FAM153A: variants seen among roughly 807,000 people sequenced by gnomAD.
FAM153A encodes family with sequence similarity 153 member A, also known as protein FAM153A.
In FAM153A, 12 loss-of-function variants were observed where a neutral mutation model predicts 48.1. The ratio of observed to expected loss-of-function variants is 0.25; its 90% CI spans 0.16 to 0.40. FAM153A has a LOEUF of 0.40. FAM153A is among the 10% of genes least tolerant of loss of function. The pLI, the probability that FAM153A is intolerant of heterozygous loss-of-function variation, is 1.00. For missense variants in FAM153A, 111 were observed against 345.8 expected (o/e 0.32, Z 5.38); for synonymous variants, 36 against 118.2 (o/e 0.30, Z 4.51).
downstream of FAM153A, among the ~76,000 whole-genome samples, chr5:177,705,009 A>G (rs1399568670): frequency 6.6e-6 from 1 of 151,132 alleles, no homozygotes; most frequent in Non-Finnish European, 1.5e-5. Context: ...TCAAAAAAAA[A>G]AAAAATTATA....
At chr5:177,750,312 A>C (rs1273647722) in intron 2 of FAM153A, 1 of 154,114 alleles carries the variant, frequency 6.5e-6, no homozygotes, top group Non-Finnish European at 1.4e-5. Context: ...GTGACAAAAG[A>C]CATTGTCAGT....
rs542701657 is a variant in FAM153A, at chr5:177,778,664, T to C, written c.-57+1785A>G. ...GGGGCATGCCTGTAGTCCCAGCTAC[T>C]TGGGAGGCTGAGGTGAAAGAATCAT... On this transcript the variant is annotated intron_variant, in intron 1 of 8. Coordinates refer to the FAM153A transcript ENST00000393518. Among the ~76,000 whole-genome samples the C allele has an allele frequency of 2.1e-5, 2 of 94,814 alleles. 1 individual carries two copies. The highest frequency in any genetic ancestry group is 6.3e-4 in the East Asian group (2 of 3,184). The allele number at this position is 94,814 out of a possible 152,430, so 62.2% of individuals were successfully genotyped here.
intron 4 of FAM153A, among the ~76,000 whole-genome samples, chr5:177,746,060 G>C (rs1561927234): frequency 6.6e-6 from 1 of 151,270 alleles, no homozygotes; most frequent in Non-Finnish European, 1.5e-5. Context: ...CAGTGTAGTA[G>C]CCCATGGCAT....
chr5:177,761,088 C>T (rs1425466303), intron 1 of FAM153A, among the ~76,000 whole-genome samples: 1 of 150,928 alleles, frequency 6.6e-6, no homozygotes, highest in Non-Finnish European at 1.5e-5. Flanking sequence ...CTGGATATGC[C>T]ATCATGCACA....
At chr5:177,696,014 C>T in the FAM153A span, among the ~76,000 whole-genome samples, 2 of 128,788 alleles carry the variant, frequency 1.6e-5, no homozygotes, top group African/African-American at 6.1e-5. Context: ...CAGAGGCACT[C>T]CTCACTTCCT....
the FAM153A span, among the ~76,000 whole-genome samples, chr5:177,696,046 G>A: frequency 7.3e-6 from 1 of 137,570 alleles, no homozygotes; most frequent in South Asian, 2.4e-4. Context: ...CCGGGCAGAG[G>A]CGCTCCTCAC....
the FAM153A span, among the ~76,000 whole-genome samples, chr5:177,701,578 A>C: frequency 8.2e-6 from 1 of 122,112 alleles, no homozygotes; most frequent in African/African-American, 3.1e-5. Flanking sequence ...TAAATAGATA[A>C]ATTTTAAAAA....
At chr5:177,716,964 A>AGTGT (rs59312087) in intron 24 of FAM153A, among the ~76,000 whole-genome samples, 3,920 of 127,682 alleles carry the variant, frequency 0.031, 156 homozygotes, top group East Asian at 0.065. Flanking sequence ...ATTCCCGCTT[A>AGTGT]GTGTGTGTGT....
intron 10 of FAM153A, among the ~76,000 whole-genome samples, chr5:177,738,196 T>G (rs1380031649): frequency 6.6e-6 from 1 of 151,410 alleles, no homozygotes; most frequent in African/African-American, 2.5e-5. Context: ...GGTTCTCATT[T>G]GGTGCTGTGT....
intron 10 of FAM153A, among the ~76,000 whole-genome samples, chr5:177,738,278 C>G (rs141572832): frequency 1.3e-5 from 2 of 151,338 alleles, no homozygotes; most frequent in African/African-American, 4.9e-5. Context: ...CAATATAACA[C>G]GCCTGATTAT....
chr5:177,704,980 G>A (rs1240544002), downstream of FAM153A, among the ~76,000 whole-genome samples: 1 of 150,152 alleles, frequency 6.7e-6, no homozygotes, highest in African/African-American at 2.5e-5. Flanking sequence ...CAGCCTGGGT[G>A]ACAGAGCGAG....
At chr5:177,705,932 A>G (rs1757845400), downstream of FAM153A, among the ~76,000 whole-genome samples, 1 of 151,686 alleles carries the variant, frequency 6.6e-6, no homozygotes, top group Admixed American at 6.6e-5. Flanking sequence ...TGCTGGGATT[A>G]TAGGCGTGAG....
At chr5:177,727,890 GA>G (rs1762901562) in intron 18 of FAM153A, among the ~76,000 whole-genome samples, 1 of 52,018 alleles carries the variant, frequency 1.9e-5, no homozygotes, top group East Asian at 5.5e-4. Flanking sequence ...AAAAGGAGCT[GA>G]GGAATGATTT....
In FAM153A at chr5:177,730,423, G is replaced by T. The variant is rs532096062; in HGVS notation, c.863-868C>A. The stretch of plus-strand genomic sequence containing the variant: ...ATCTCCTTAAATACAATAGAGTATG[G>T]CACTGATTATTGTCTGCTTTTGAAC... On this transcript the variant is annotated intron_variant, in intron 16 of 20. Coordinates refer to ENST00000614127, the Ensembl canonical transcript of FAM153A. 9.4e-4 allele frequency among the ~76,000 whole-genome samples: 114 copies of T among 121,242 alleles called. 22 individuals are homozygous for T. Among genetic ancestry groups the T allele is most frequent in the African/African-American group, 2.8e-3 (105 of 37,062 alleles). The allele number at this position is 121,242 out of a possible 152,430, so 79.5% of individuals were successfully genotyped here. A position where few individuals can be genotyped will look rare whatever the true frequency, so the allele number is the denominator to read the frequency against.
downstream of FAM153A, among the ~76,000 whole-genome samples, chr5:177,709,147 G>C (rs1218064533): frequency 1.7e-5 from 2 of 116,804 alleles, no homozygotes; most frequent in African/African-American, 6.2e-5. Context: ...GAAAAGCCTA[G>C]TTTTGTCACT....
At chr5:177,752,932 C>CAAA (rs374466697) in intron 1 of FAM153A, among the ~76,000 whole-genome samples, 1 of 97,690 alleles carries the variant, frequency 1.0e-5, no homozygotes, top group Admixed American at 1.0e-4. Flanking sequence ...TTCACTCTTC[C>CAAA]AAAAAAAAAA....
downstream of FAM153A, among the ~76,000 whole-genome samples, chr5:177,706,497 C>T (rs1757905148): frequency 1.3e-5 from 2 of 152,034 alleles, no homozygotes; most frequent in Admixed American, 1.3e-4. Flanking sequence ...CTGCGCCCAG[C>T]CAAAAATACA....
At chr5:177,767,830 G>A (rs1768829999) in intron 1 of FAM153A, among the ~76,000 whole-genome samples, 1 of 92,306 alleles carries the variant, frequency 1.1e-5, no homozygotes, top group Non-Finnish European at 2.2e-5. Flanking sequence ...CTGCTGTCAC[G>A]TCACAGCAAC....
chr5:177,737,240 A>G lies in FAM153A; in HGVS notation c.563-128T>C, dbSNP rs148572743. On this transcript the variant is annotated intron_variant, in intron 10 of 20. Transcript: ENST00000614127. The stretch of plus-strand genomic sequence containing the variant: ...TCACAGCACAGACTCAGCTGCTGCC[A>G]GTCCATCCTCCATGGTGGAGGGAAG... 3,605 of 1,585,380 alleles carry G rather than the reference A, an allele frequency of 2.3e-3. 115 individuals carry two copies. In the African/African-American group the frequency reaches 0.042, roughly 19 times the overall value.
Sources: gnomAD v4.1 joint callset for allele counts (sites outside exome capture counted in the v4.1 genomes callset) on GRCh38, gnomAD v4.1.1 for gene constraint, MANE v1.5 for transcripts, NCBI Gene and HGNC (gene_info 2026-07-23, HGNC 2026-07-21) for gene names.